Variants in VCAN observed in about 807,000 individuals in gnomAD.
The protein encoded by VCAN is versican core protein.
A neutral mutation model predicts 245.5 loss-of-function variants in VCAN; 44 were observed. The observed-to-expected ratio is 0.18, with a 90% CI of 0.14 to 0.23. The LOEUF is 0.23. VCAN is among the 10% of genes least tolerant of loss of function. VCAN has a pLI of 1.00. For missense variants in VCAN, 3,793 were observed against 4,057.9 expected (o/e 0.93, Z 1.77); for synonymous variants, 1,413 against 1,437.0 (o/e 0.98, Z 0.38).
chr5:83,526,960 C>T lies in VCAN; in HGVS notation c.4003+4651C>T, dbSNP rs144806781. Among the ~76,000 whole-genome samples, 250 of 152,292 alleles carry T rather than the reference C, an allele frequency of 1.6e-3. 1 individual carries two copies. Among genetic ancestry groups the T allele is most frequent in the African/African-American group, 5.8e-3 (239 of 41,558 alleles). On this transcript the variant is annotated intron_variant, in intron 7 of 14. Transcript: ENST00000265077. Reference sequence around the variant, plus strand: ...AAGCAGATAGTCAAACGAAGGTACACTGAGTCTGACATTCTTGGCATTGGG... The same window carrying T: ...AAGCAGATAGTCAAACGAAGGTACATTGAGTCTGACATTCTTGGCATTGGG...
Position 83,579,570 on chromosome 5 carries a change from T to C in VCAN, c.9881-410T>C, listed in dbSNP as rs561712055. ...AAGCCACTGTGCCTGGCCTGTAGAT[T>C]GTACGTTTTTATAAGGAGGTAATAG... On this transcript the variant is annotated intron_variant, in intron 13 of 14. Coordinates refer to ENST00000265077, the MANE Select transcript of VCAN (RefSeq NM_004385.5). Among the ~76,000 whole-genome samples the C allele has an allele frequency of 1.1e-3, 162 of 152,222 alleles. No individual in the cohort carries two copies. The East Asian group carries it at 0.014, about 13-fold the overall frequency.
intron 13 of VCAN, among the ~76,000 whole-genome samples, chr5:83,573,159 A>G (rs1013174044): frequency 3.3e-5 from 5 of 151,996 alleles, no homozygotes; most frequent in African/African-American, 1.2e-4. Context: ...CAGCCTCCCA[A>G]AGTGCTGGGA....
chr5:83,532,332 C>A (rs1431537796), intron 7 of VCAN, among the ~76,000 whole-genome samples: 1 of 151,846 alleles, frequency 6.6e-6, no homozygotes, highest in African/African-American at 2.4e-5. Flanking sequence ...TGGTGAGATG[C>A]AAGGAGTTAG....
In VCAN at chr5:83,539,168, T is replaced by G. The variant is rs764642376; in HGVS notation, c.6165T>G (p.Asp2055Glu). ...LGEVGTVNEI[D>E]RRSTILPTAE... is the part of the protein sequence containing the mutation. ...AAGTGGGTACTGTCAATGAAATTGA[T>G]AGAAGATCCACCATTTTACCAACAG... is the stretch of plus-strand genomic sequence containing the variant. Residue 2055 changes from aspartate to glutamate, a missense_variant, in exon 8 of 15, where the codon GAT (aspartate) becomes GAG (glutamate). Transcript: ENST00000265077. 1 of 1,613,840 alleles carries G rather than the reference T, an allele frequency of 6.2e-7. No individual in the cohort carries two copies. The highest frequency in any genetic ancestry group is 8.5e-7 in the Non-Finnish European group (1 of 1,179,962).
rs1746897632 is a variant in VCAN at position 83,539,891 on chromosome 5, C to G, written c.6888C>G (p.Asp2296Glu). 2 of 1,614,028 alleles carry G rather than the reference C, an allele frequency of 1.2e-6. No homozygotes were observed. The highest frequency in any genetic ancestry group is 2.7e-5 in the African/African-American group (2 of 75,038). Residue 2296 changes from aspartate to glutamate, a missense_variant, in exon 8 of 15, where the codon GAC becomes GAG. Asp to Glu is a conservative substitution (Grantham distance 45). Coordinates refer to ENST00000265077, the MANE Select transcript of VCAN (RefSeq NM_004385.5). ...HTSQVESTSS[D>E]KIEDFNRMEN... ...CTCAAGTGGAAAGTACCTCAAGTGA[C>G]AAAATTGAAGACTTTAACAGAATGG... is the stretch of plus-strand genomic sequence containing the variant.
intron 6 of VCAN, among the ~76,000 whole-genome samples, chr5:83,516,308 G>C (rs1745856767): frequency 6.6e-6 from 1 of 152,022 alleles, no homozygotes; most frequent in African/African-American, 2.4e-5. Flanking sequence ...TATATATAGA[G>C]TTTGAATTGT....
chr5:83,473,059 T>A (rs886988678), intron 1 of VCAN, among the ~76,000 whole-genome samples: 28 of 152,152 alleles, frequency 1.8e-4, no homozygotes, highest in African/African-American at 6.3e-4. Context: ...TTCTCCGCTC[T>A]AGTTGAGCAA....
intron 12 of VCAN, among the ~76,000 whole-genome samples, chr5:83,570,937 C>T (rs1748264790): frequency 1.3e-5 from 2 of 151,550 alleles, no homozygotes; most frequent in African/African-American, 4.9e-5. Context: ...ATTCACTTAA[C>T]TCATTGTCTC....
At chr5:83,501,901 T>G (rs1745339826) in intron 5 of VCAN, among the ~76,000 whole-genome samples, 1 of 152,312 alleles carries the variant, frequency 6.6e-6, no homozygotes, top group Admixed American at 6.5e-5. Flanking sequence ...TTAGAAATAT[T>G]ATGTCTTCTG....
At position 83,521,854 on chromosome 5, in the gene VCAN, G is replaced by A; in HGVS notation, c.3548G>A (p.Gly1183Glu). 1 of 1,614,090 alleles carries A rather than the reference G, an allele frequency of 6.2e-7. No individual in the cohort carries two copies. ...TSLEDIDLGS[G>E]LFEKPKATEL... is the part of the protein sequence containing the mutation. ...CTAGAGGATATTGATTTAGGCTCAG[G>A]ATTATTTGAAAAGCCCAAAGCCACA... Residue 1183 changes from glycine to glutamate, a missense_variant, in exon 7 of 15, where the codon GGA becomes GAA. Physicochemically the swap from Gly to Glu is moderately conservative, Grantham distance 98. Coordinates refer to ENST00000265077, the MANE Select transcript of VCAN (RefSeq NM_004385.5).
chr5:83,561,091 T>C (rs151052463), intron 12 of VCAN, among the ~76,000 whole-genome samples: 1 of 152,298 alleles, frequency 6.6e-6, no homozygotes, highest in African/African-American at 2.4e-5. Context: ...TTTCTGCATC[T>C]CCTTCACTTT....
At chr5:83,530,558 G>C (rs2112427807) in intron 7 of VCAN, among the ~76,000 whole-genome samples, 1 of 152,180 alleles carries the variant, frequency 6.6e-6, no homozygotes, top group South Asian at 2.1e-4. Context: ...GCTGGCTGAG[G>C]TTCCATTTTA....
chr5:83,501,632 T>C lies in VCAN; in HGVS notation c.748+7701T>C, dbSNP rs900922409. Among the ~76,000 whole-genome samples the C allele has an allele frequency of 2.0e-5, 3 of 152,346 alleles. No homozygotes were observed. In the South Asian group the frequency reaches 6.2e-4, roughly 32 times the overall value. ...GCATTTATTTCTAGACTCTCAATTA[T>C]ATTCCATTGATCTGTATGTCTATCT... On this transcript the variant is annotated intron_variant, in intron 5 of 14. Coordinates refer to ENST00000265077, the MANE Select transcript of VCAN (RefSeq NM_004385.5).
intron 2 of VCAN, among the ~76,000 whole-genome samples, chr5:83,484,342 C>T (rs1197708019): frequency 6.6e-6 from 1 of 152,072 alleles, no homozygotes; most frequent in African/African-American, 2.4e-5. Context: ...TCTATTCATC[C>T]ATCCATACCT....
chr5:83,574,234 G>A (rs1748396296), intron 13 of VCAN, among the ~76,000 whole-genome samples: 2 of 152,044 alleles, frequency 1.3e-5, no homozygotes, highest in African/African-American at 4.8e-5. Flanking sequence ...ATCCACTCAC[G>A]CTGACACATT....
In VCAN at chr5:83,493,923, A is replaced by G; in HGVS notation, c.740A>G (p.His247Arg). Residue 247 changes from histidine to arginine, a missense_variant, in exon 5 of 15, where the codon CAT becomes CGT. Transcript: ENST00000265077. ...ETYDVYCYVD[H>R]LDGDVFHLTV... ...TACGATGTGTATTGTTATGTGGATC[A>G]TCTGGATGGTAAGATGTTTGAGTTT... 6.2e-7 allele frequency: 1 copy of G among 1,614,124 alleles called. No homozygotes were observed. The highest frequency in any genetic ancestry group is 8.5e-7 in the Non-Finnish European group (1 of 1,179,974).
intron 1 of VCAN, among the ~76,000 whole-genome samples, chr5:83,475,422 G>A (rs1744353257): frequency 6.6e-6 from 1 of 152,188 alleles, no homozygotes; most frequent in Non-Finnish European, 1.5e-5. Flanking sequence ...TGAAAGCTGT[G>A]ACCTAATTGT....
At chr5:83,491,767 A>G (rs1744989453) in intron 3 of VCAN, among the ~76,000 whole-genome samples, 1 of 152,302 alleles carries the variant, frequency 6.6e-6, no homozygotes, top group South Asian at 2.1e-4. Flanking sequence ...ATACTTATAC[A>G]GATTGAAGTT....
At chr5:83,516,630 G>A (rs972883815) in intron 6 of VCAN, among the ~76,000 whole-genome samples, 3 of 152,234 alleles carry the variant, frequency 2.0e-5, no homozygotes, top group Non-Finnish European at 4.4e-5. Context: ...GAAAAGAATC[G>A]TGTTGATTTA....
Sources: allele counts gnomAD v4.1 joint callset (sites outside exome capture counted in the v4.1 genomes callset), GRCh38; gene constraint gnomAD v4.1.1; transcripts MANE v1.5; gene names NCBI Gene and HGNC (gene_info 2026-07-23, HGNC 2026-07-21).